The following RARB variants were observed in gnomAD, a reference collection of about 807,000 sequenced individuals.
RARB encodes the protein HBV-activated protein.
Under a neutral mutation model 51.9 loss-of-function variants are expected in RARB, and 17 were observed. That is an observed-to-expected ratio of 0.33 (90% CI 0.22 to 0.49). RARB has a LOEUF of 0.49. RARB is among the 20% of genes least tolerant of loss of function. The probability of loss-of-function intolerance (pLI) is 0.99; values close to 1 mark genes in which losing one functional copy is unlikely to be tolerated. For missense variants in RARB, 369 were observed against 550.8 expected, an observed-to-expected ratio of 0.67 and a Z score of 3.30; for synonymous variants, 215 against 195.4, an observed-to-expected ratio of 1.10 and a Z score of -0.84.
At chr3:25,348,595 G>T (rs1705468362) in intron 5 of RARB, among the ~76,000 whole-genome samples, 1 of 152,088 alleles carries the variant, frequency 6.6e-6, no homozygotes, top group African/African-American at 2.4e-5. Context: ...GATAATAATT[G>T]CAAGTCCTTT....
chr3:25,548,664 CT>C (rs929738287), intron 3 of RARB, among the ~76,000 whole-genome samples: 2 of 133,768 alleles, frequency 1.5e-5, no homozygotes, highest in African/African-American at 5.1e-5. Flanking sequence ...AAAAAAAAAC[CT>C]TTTGAGAGGC....
intron 4 of RARB, among the ~76,000 whole-genome samples, chr3:25,155,572 C>T (rs773415156): frequency 3.3e-5 from 5 of 152,234 alleles, no homozygotes; most frequent in Non-Finnish European, 7.3e-5. Flanking sequence ...ATTTGATCCA[C>T]TGAGGAGCTA....
chr3:25,079,455 G>A (rs918395991), intron 3 of RARB, among the ~76,000 whole-genome samples: 14 of 152,102 alleles, frequency 9.2e-5, no homozygotes, highest in Non-Finnish European at 8.8e-5. Flanking sequence ...CCAATCTTAA[G>A]GGGAAAGCAT....
intron 2 of RARB, among the ~76,000 whole-genome samples, chr3:24,872,170 C>T: frequency 6.6e-6 from 1 of 152,140 alleles, no homozygotes. Context: ...CTTCAACTTC[C>T]ACCACTTCCA....
At chr3:24,922,345 A>G (rs1449512152) in intron 2 of RARB, among the ~76,000 whole-genome samples, 3 of 152,186 alleles carry the variant, frequency 2.0e-5, no homozygotes. Flanking sequence ...TTTGCCTCTG[A>G]CTGCATTCTT....
At chr3:25,471,933 C>T (rs558553124) in intron 2 of RARB, among the ~76,000 whole-genome samples, 13 of 152,234 alleles carry the variant, frequency 8.5e-5, no homozygotes, top group Admixed American at 6.5e-4. Flanking sequence ...TCATCAGCCC[C>T]CCTCTACCTT....
upstream of RARB, among the ~76,000 whole-genome samples, chr3:25,427,525 GA>G (rs147403104): frequency 5.8e-4 from 88 of 152,290 alleles, no homozygotes; most frequent in African/African-American, 2.1e-3. Context: ...GTCCAGATCT[GA>G]AATCTCATTT....
chr3:24,839,461 G>A (rs1317559337), intron 1 of RARB, among the ~76,000 whole-genome samples: 1 of 151,714 alleles, frequency 6.6e-6, no homozygotes, highest in East Asian at 1.9e-4. Flanking sequence ...CCGACACTTT[G>A]GGCTGAGGTG....
chr3:25,153,557 C>T (rs1700327105), intron 4 of RARB, among the ~76,000 whole-genome samples: 1 of 152,004 alleles, frequency 6.6e-6, no homozygotes, highest in African/African-American at 2.4e-5. Context: ...GTGCACTGGG[C>T]CAATATAAAA....
intron 2 of RARB, among the ~76,000 whole-genome samples, chr3:24,958,289 T>A (rs867174148): frequency 1.6e-3 from 208 of 133,996 alleles, no homozygotes; most frequent in African/African-American, 5.8e-3. Flanking sequence ...TTTTTTTTTT[T>A]AGCTGTCATG....
intron 2 of RARB, among the ~76,000 whole-genome samples, chr3:24,969,736 A>G (rs1393336386): frequency 3.3e-5 from 5 of 152,160 alleles, no homozygotes; most frequent in Non-Finnish European, 7.4e-5. Context: ...AATGACTGCA[A>G]TGAGGCAGGA....
At chr3:25,145,562 A>G (rs1700174271) in intron 4 of RARB, among the ~76,000 whole-genome samples, 1 of 152,220 alleles carries the variant, frequency 6.6e-6, no homozygotes, top group South Asian at 2.1e-4. Flanking sequence ...TGCTAAAAAA[A>G]TGAATCCTGT....
At chr3:25,483,047 C>CA (rs1696308389) in intron 2 of RARB, among the ~76,000 whole-genome samples, 1 of 152,126 alleles carries the variant, frequency 6.6e-6, no homozygotes, top group South Asian at 2.1e-4. Flanking sequence ...TTCAAGTGCT[C>CA]AATAGCTACA....
chr3:25,375,652 T>C (rs1183079686), intron 5 of RARB, among the ~76,000 whole-genome samples: 3 of 152,204 alleles, frequency 2.0e-5, no homozygotes, highest in African/African-American at 7.2e-5. Flanking sequence ...GGTCTACGTT[T>C]CCATAGCTAT....
At chr3:25,467,347 G>T (rs1239766041) in intron 2 of RARB, among the ~76,000 whole-genome samples, 1 of 152,204 alleles carries the variant, frequency 6.6e-6, no homozygotes, top group Non-Finnish European at 1.5e-5. Flanking sequence ...TGGCTGACTT[G>T]GCTTGGGCCA....
intron 5 of RARB, among the ~76,000 whole-genome samples, chr3:25,214,641 T>A (rs1234930484): frequency 3.9e-5 from 6 of 152,190 alleles, no homozygotes; most frequent in Non-Finnish European, 5.9e-5. Flanking sequence ...CTGAAGGGAC[T>A]TCAGCACTTG....
intron 5 of RARB, among the ~76,000 whole-genome samples, chr3:25,184,366 G>T (rs1219829400): frequency 1.3e-5 from 2 of 152,086 alleles, no homozygotes; most frequent in South Asian, 4.1e-4. Flanking sequence ...AGAGTTACCT[G>T]GCTGTTGTTT....
chr3:25,175,060 A>G (rs976639838), intron 5 of RARB, among the ~76,000 whole-genome samples: 2 of 152,200 alleles, frequency 1.3e-5, no homozygotes, highest in African/African-American at 4.8e-5. Flanking sequence ...ACCAATTCAT[A>G]TCACATTAAG....
chr3:25,393,447 T>G (rs1707029045), intron 5 of RARB, among the ~76,000 whole-genome samples: 1 of 152,160 alleles, frequency 6.6e-6, no homozygotes, highest in Non-Finnish European at 1.5e-5. Flanking sequence ...TCTTTTGTAA[T>G]AGTTTCAATA....
Sources: gnomAD v4.1 joint callset for allele counts (sites outside exome capture counted in the v4.1 genomes callset) on GRCh38, gnomAD v4.1.1 for gene constraint, MANE v1.5 for transcripts, NCBI Gene and HGNC (gene_info 2026-07-23, HGNC 2026-07-21) for gene names.